Variants in ZNF782 observed in about 807,000 individuals in gnomAD.
ZNF782 encodes the protein zinc finger protein 782.
Under a neutral mutation model 13.0 loss-of-function variants are expected in ZNF782, and 12 were observed. That is an observed-to-expected ratio of 0.92 (90% CI 0.59 to 1.50). The LOEUF (loss-of-function observed/expected upper bound fraction) is 1.50, where lower values mean the gene tolerates loss of function less well. Among genes scored for constraint, ZNF782 ranks in the 40% most tolerant of loss-of-function variants. ZNF782 has a pLI of 0.00. For synonymous variants in ZNF782, 284 were observed against 283.0 expected, an observed-to-expected ratio of 1.00 and a Z score of -0.04; for missense variants, 770 against 822.9, an observed-to-expected ratio of 0.94 and a Z score of 0.79.
upstream of ZNF782, among the ~76,000 whole-genome samples, chr9:96,879,413 G>T (rs1229745268): frequency 6.6e-6 from 1 of 152,214 alleles, no homozygotes; most frequent in Non-Finnish European, 1.5e-5. Context: ...TGAGGCAGGA[G>T]AATGGCGTGA....
chr9:96,869,793 A>G (rs548236911), intron 1 of ZNF782, among the ~76,000 whole-genome samples: 1 of 152,324 alleles, frequency 6.6e-6, no homozygotes, highest in South Asian at 2.1e-4. Context: ...TGCTTTAGTC[A>G]TTAGACTTAT....
chr9:96,892,781 A>C, the ZNF782 span: 1 of 152,210 alleles, frequency 6.6e-6, no homozygotes, highest in South Asian at 2.1e-4. Context: ...CCTCTAAGAA[A>C]TATATCTGGC....
the ZNF782 span, chr9:96,889,272 G>T: frequency 6.6e-6 from 1 of 152,160 alleles, no homozygotes; most frequent in Admixed American, 6.5e-5. Flanking sequence ...TTCCAGACAT[G>T]ACACCAGGAA....
Position 96,818,215 on chromosome 9 carries a change from G to A in ZNF782, c.1808C>T (p.Ser603Leu). 3 of 1,613,970 alleles carry A rather than the reference G, an allele frequency of 1.9e-6. No individual in the cohort carries two copies. The highest frequency in any genetic ancestry group is 1.7e-5 in the Admixed American group (1 of 60,004). The change falls in exon 6 of 6, where the codon TCA becomes TTA. Residue 603 changes from serine (S) to leucine (L), a missense_variant. Transcript: ENST00000481138. ...AGTTCTCTGATGCCCTCTGAGATTT[G>A]ATTTCTGCCTGAATGTTTTTCCACA... ...EECGKTFRQK[S>L]NLRGHQRTHT...
chr9:96,817,793 G>A lies in ZNF782; in HGVS notation c.*130C>T. The A allele has an allele frequency of 2.7e-6, 2 of 751,844 alleles. 1 individual carries two copies. Among genetic ancestry groups the A allele is most frequent in the Non-Finnish European group, 4.1e-6 (2 of 492,256 alleles). The allele number at this position is 751,844 out of a possible 1,614,324, so 46.6% of individuals were successfully genotyped here. ...TTTATCTTCTATTCTTTGATATTTGGTGGAGGCTGAAATTGTAGAGGAAAT... is the reference window on the plus strand; with the variant it reads ...TTTATCTTCTATTCTTTGATATTTGATGGAGGCTGAAATTGTAGAGGAAAT... On this transcript the variant is annotated 3_prime_UTR_variant, in exon 6 of 6. Transcript: ENST00000481138.
chr9:96,888,013 T>G, the ZNF782 span: 1 of 99,792 alleles, frequency 1.0e-5, no homozygotes, highest in Non-Finnish European at 1.8e-5. Context: ...CACCAGGGCC[T>G]GTTGTGGGGT....
chr9:96,930,837 C>G, the ZNF782 span, among the ~76,000 whole-genome samples: 6 of 136,644 alleles, frequency 4.4e-5, no homozygotes, highest in African/African-American at 1.6e-4. Flanking sequence ...TTCAGGGTTC[C>G]TAGGGCGCTG....
the ZNF782 span, chr9:96,892,965 G>A: frequency 9.2e-5 from 14 of 151,856 alleles, no homozygotes; most frequent in East Asian, 2.7e-3. Context: ...GATCAATAGG[G>A]TTTCAGACAG....
At chr9:96,834,747 C>A (rs1015240683) in intron 4 of ZNF782, among the ~76,000 whole-genome samples, 9 of 152,146 alleles carry the variant, frequency 5.9e-5, no homozygotes, top group Non-Finnish European at 1.3e-4. Flanking sequence ...CAACACAAAA[C>A]AGACTAAGAG....
the ZNF782 span, chr9:96,932,073 C>G: frequency 6.2e-7 from 1 of 1,608,950 alleles, no homozygotes; most frequent in Non-Finnish European, 8.5e-7. Flanking sequence ...ATGTGTCCAC[C>G]TCCCCTACTC....
chr9:96,878,112 G>A (rs1588179850), upstream of ZNF782, among the ~76,000 whole-genome samples: 1 of 152,152 alleles, frequency 6.6e-6, no homozygotes, highest in Non-Finnish European at 1.5e-5. Context: ...GCAATGCTGC[G>A]ATCTCAGCTC....
chr9:96,932,808 A>G, the ZNF782 span, among the ~76,000 whole-genome samples: 4 of 151,680 alleles, frequency 2.6e-5, no homozygotes, highest in African/African-American at 9.7e-5. Context: ...ATGTGCCACC[A>G]TGCCTGGCTA....
At position 96,818,458 on chromosome 9, in the gene ZNF782, C is replaced by T. The variant is rs1366948072; in HGVS notation, c.1565G>A (p.Arg522Lys). The T allele has an allele frequency of 6.2e-7, 1 of 1,613,636 alleles. No homozygotes were observed. The highest frequency in any genetic ancestry group is 1.1e-5 in the South Asian group (1 of 91,042). ...GKAFKLKSGLRKHHRTHTGEK... is the reference protein window; with the variant it reads ...GKAFKLKSGLKKHHRTHTGEK... ...CCCTGTGTGTGTTCTATGATGTTTC[C>T]TCAGGCCTGACTTCAGTTTGAAAGC... Residue 522 changes from arginine to lysine, a missense_variant, in exon 6 of 6, where the codon AGG becomes AAG. Arg to Lys is a conservative substitution (Grantham distance 26). Coordinates refer to ENST00000481138, the MANE Select transcript of ZNF782 (RefSeq NM_001001662.3).
chr9:96,818,743 C>G lies in ZNF782; in HGVS notation c.1280G>C (p.Cys427Ser), dbSNP rs1196452630. ...TGACTTTGCACTGAAAGCTTTATCA[C>G]ATCCATCACATTTGTATGGTTTCTC... ...TGEKPYKCDGCDKAFSAKSGL... is the reference protein window; with the variant it reads ...TGEKPYKCDGSDKAFSAKSGL... The change falls in exon 6 of 6, where the codon TGT becomes TCT. Residue 427 changes from cysteine to serine, a missense_variant. Cys to Ser is a moderately radical substitution (Grantham distance 112). Transcript: ENST00000481138. 2 of 1,614,172 alleles carry G rather than the reference C, an allele frequency of 1.2e-6. No individual in the cohort carries two copies. Among genetic ancestry groups the G allele is most frequent in the South Asian group, 2.2e-5 (2 of 91,072 alleles).
Position 96,839,745 on chromosome 9 carries a change from TTC to T in ZNF782, c.142+5143_142+5144del, listed in dbSNP as rs1851132360. 2.6e-5 allele frequency among the ~76,000 whole-genome samples: 4 copies of T among 152,330 alleles called. No homozygotes were observed. The South Asian group carries it at 8.3e-4, about 32-fold the overall frequency. ...CAAATATCAACAGTTACGTATATTCTTCTCTCTTTCCTTACTCAAAGATGGCT... is the reference window on the plus strand; with the variant it reads ...CAAATATCAACAGTTACGTATATTCTTCTCTTTCCTTACTCAAAGATGGCT... On this transcript the variant is annotated intron_variant, in intron 4 of 5. Transcript: ENST00000481138.
chr9:96,837,529 T>G (rs1356815559), intron 4 of ZNF782, among the ~76,000 whole-genome samples: 1 of 152,186 alleles, frequency 6.6e-6, no homozygotes, highest in Non-Finnish European at 1.5e-5. Context: ...ATTCTTTCAT[T>G]ATCTCTCTTC....
the ZNF782 span, among the ~76,000 whole-genome samples, chr9:96,903,619 G>C: frequency 8.2e-6 from 1 of 122,350 alleles, no homozygotes; most frequent in Non-Finnish European, 1.6e-5. Flanking sequence ...CTGGAGTGCA[G>C]TGGCGCAATC....
chr9:96,868,946 G>A (rs548905002), intron 1 of ZNF782, among the ~76,000 whole-genome samples: 69 of 152,116 alleles, frequency 4.5e-4, no homozygotes, highest in Non-Finnish European at 8.1e-4. Flanking sequence ...TAATGATGTC[G>A]ATGTTCCTGG....
chr9:96,933,272 C>A, the ZNF782 span, among the ~76,000 whole-genome samples: 1 of 151,952 alleles, frequency 6.6e-6, no homozygotes, highest in East Asian at 1.9e-4. Flanking sequence ...CCCACCGTGC[C>A]CGGCTTTTAC....
Sources: gnomAD v4.1 joint callset for allele counts (sites outside exome capture counted in the v4.1 genomes callset) on GRCh38, gnomAD v4.1.1 for gene constraint, MANE v1.5 for transcripts, NCBI Gene and HGNC (gene_info 2026-07-23, HGNC 2026-07-21) for gene names.